The following DNAH12 variants were observed in gnomAD, a reference collection of about 807,000 sequenced individuals.
The protein encoded by DNAH12 is dynein axonemal heavy chain 12.
DNAH12 carries 285 observed loss-of-function variants against 371.5 expected under a neutral mutation model. That is an observed-to-expected ratio of 0.77 (90% CI 0.70 to 0.85). The LOEUF (loss-of-function observed/expected upper bound fraction) is 0.85. DNAH12 is among the 40% of genes least tolerant of loss of function. The pLI is 0.00. For synonymous variants in DNAH12, 1,200 were observed against 1,213.0 expected (o/e 0.99, Z 0.22); for missense variants, 3,611 against 3,689.4 (o/e 0.98, Z 0.55).
chr3:57,541,729 C>T (rs1248081257), intron 2 of DNAH12, among the ~76,000 whole-genome samples: 1 of 151,298 alleles, frequency 6.6e-6, no homozygotes, highest in Non-Finnish European at 1.5e-5. Flanking sequence ...GTTTATATAC[C>T]CTATAAATGT....
Position 57,301,727 on chromosome 3 carries a change from CAT to C in DNAH12, c.11394+6_11394+7del. The C allele has an allele frequency of 1.4e-6, 2 of 1,401,806 alleles. No individual in the cohort carries two copies. The highest frequency in any genetic ancestry group is 2.0e-6 in the Non-Finnish European group (2 of 1,025,426). The allele number at this position is 1,401,806 out of a possible 1,614,324, so 86.8% of individuals were successfully genotyped here. The stretch of plus-strand genomic sequence containing the variant: ...ACACACACACACACACACACACACA[CAT>C]TTTACCTGTAAAAAGTTCAACCGGG... On this transcript the variant is annotated splice_donor_region_variant and intron_variant, in intron 70 of 73. Coordinates refer to ENST00000495027, the MANE Select transcript of DNAH12 (RefSeq NM_001366028.2).
At chr3:57,400,661 T>C (rs2063838249) in intron 43 of DNAH12, among the ~76,000 whole-genome samples, 1 of 152,230 alleles carries the variant, frequency 6.6e-6, no homozygotes, top group African/African-American at 2.4e-5. Context: ...CCTTTCACTC[T>C]CAAAATATCT....
chr3:57,520,339 C>T lies in DNAH12; in HGVS notation c.279+3244G>A, dbSNP rs188311195. Among the ~76,000 whole-genome samples the T allele has an allele frequency of 3.8e-3, 577 of 152,164 alleles. 2 individuals carry two copies. The highest frequency in any genetic ancestry group is 0.013 in the African/African-American group (539 of 41,534). On this transcript the variant is annotated intron_variant, in intron 4 of 73. Coordinates refer to ENST00000495027, the MANE Select transcript of DNAH12 (RefSeq NM_001366028.2). ...GGCCAGGCTAGTCTCGAACCGCCCG[C>T]CTCGGCCTCCCAAAGTGCTTGGATT...
chr3:57,386,656 A>G (rs1433560238), intron 46 of DNAH12, 53 bp from the exon 47 acceptor site: 3 of 152,240 alleles, frequency 2.0e-5, no homozygotes, highest in Non-Finnish European at 4.4e-5. Context: ...TTTCACAAAA[A>G]GGTAAATTCA....
chr3:57,433,613 AAG>A (rs750006168), intron 31 of DNAH12, 30 bp downstream of exon 31: 3 of 1,532,094 alleles, frequency 2.0e-6, no homozygotes, highest in East Asian at 2.4e-5. Context: ...CACTTTCCAT[AAG>A]AGAGTTGGGA....
chr3:57,531,537 G>A (rs1296329335), intron 2 of DNAH12, among the ~76,000 whole-genome samples: 4 of 151,978 alleles, frequency 2.6e-5, no homozygotes, highest in Non-Finnish European at 5.9e-5. Flanking sequence ...TGAGGGAGGT[G>A]GATAACTTGA....
chr3:57,481,603 G>A (rs1338156876), intron 13 of DNAH12, among the ~76,000 whole-genome samples: 1 of 152,120 alleles, frequency 6.6e-6, no homozygotes, highest in Non-Finnish European at 1.5e-5. Flanking sequence ...AAAAGAGCCT[G>A]CATTGCCAAG....
intron 4 of DNAH12, among the ~76,000 whole-genome samples, chr3:57,522,082 G>C (rs1173670869): frequency 3.3e-5 from 5 of 151,864 alleles, no homozygotes; most frequent in Non-Finnish European, 7.4e-5. Context: ...AATTTAGGTG[G>C]GTGTGGTGGC....
intron 44 of DNAH12, among the ~76,000 whole-genome samples, chr3:57,393,497 G>A (rs1180318443): frequency 1.3e-5 from 2 of 151,762 alleles, no homozygotes; most frequent in East Asian, 3.9e-4. Context: ...CTGGTGGCAG[G>A]CGCCTGTGGT....
In DNAH12 at chr3:57,462,688, A is replaced by G. The variant is rs2066090204; in HGVS notation, c.2535+2T>C. The G allele has an allele frequency of 6.5e-7, 1 of 1,544,108 alleles. No individual in the cohort carries two copies. Among genetic ancestry groups the G allele is most frequent in the Admixed American group, 2.1e-5 (1 of 48,744 alleles). ...AGTATTTCAGTTGATCTTTATGTTT[A>G]CCTTGCTTGCACCTGCACTTATCAC... On this transcript the variant is annotated splice_donor_variant, in intron 18 of 73. Transcript: ENST00000495027. LOFTEE classifies it high-confidence loss of function.
intron 65 of DNAH12, among the ~76,000 whole-genome samples, chr3:57,321,436 A>G (rs1468521213): frequency 6.6e-6 from 1 of 152,156 alleles, no homozygotes; most frequent in African/African-American, 2.4e-5. Flanking sequence ...GCAGGGGATG[A>G]TTTTCTCACA....
intron 41 of DNAH12, 93 bp downstream of exon 41, chr3:57,405,556 TGTTC>T: frequency 8.4e-7 from 1 of 1,189,022 alleles, no homozygotes; most frequent in Non-Finnish European, 1.1e-6. Context: ...TAAAAGAATA[TGTTC>T]ATTAAGAAAT....
chr3:57,315,531 G>A (rs2061667048), intron 65 of DNAH12, among the ~76,000 whole-genome samples: 1 of 151,540 alleles, frequency 6.6e-6, no homozygotes, highest in East Asian at 1.9e-4. Context: ...TTTTCTTAAG[G>A]CAGGAACCAT....
chr3:57,510,739 C>T (rs770271486), intron 5 of DNAH12, 51 bp downstream of exon 5: 77 of 1,549,642 alleles, frequency 5.0e-5, no homozygotes, highest in Admixed American at 3.7e-4. Flanking sequence ...TCAGTGGGGA[C>T]GGGGGGAGGC....
At chr3:57,464,144 T>C (rs1484738462) in intron 17 of DNAH12, among the ~76,000 whole-genome samples, 1 of 152,048 alleles carries the variant, frequency 6.6e-6, no homozygotes, top group Non-Finnish European at 1.5e-5. Flanking sequence ...GCAGGAGACC[T>C]GCCCTGCCTT....
intron 13 of DNAH12, among the ~76,000 whole-genome samples, chr3:57,479,462 A>G (rs952091267): frequency 6.6e-5 from 10 of 152,182 alleles, no homozygotes; most frequent in African/African-American, 1.9e-4. Flanking sequence ...ACTCCCACAC[A>G]ATAATAATGG....
intron 30 of DNAH12, among the ~76,000 whole-genome samples, chr3:57,436,518 T>C (rs17737179): frequency 0.034 from 5,235 of 152,266 alleles, 105 homozygotes; most frequent in African/African-American, 0.043. Context: ...AAGCCCACTA[T>C]TGTGCACTGG....
chr3:57,394,471 C>G (rs1425252796), intron 43 of DNAH12, 139 bp from the exon 44 acceptor site: 1 of 152,292 alleles, frequency 6.6e-6, no homozygotes, highest in African/African-American at 2.4e-5. Context: ...GGGCTGTCAA[C>G]TGGGACCTCC....
In DNAH12 at chr3:57,444,809, C is replaced by G; in HGVS notation, c.4433G>C (p.Arg1478Pro). The G allele has an allele frequency of 6.5e-7, 1 of 1,540,164 alleles. No homozygotes were observed. Among genetic ancestry groups the G allele is most frequent in the Non-Finnish European group, 8.8e-7 (1 of 1,142,674 alleles). Residue 1478 changes from arginine to proline, a missense_variant, in exon 29 of 74, where the codon CGA (arginine) becomes CCA (proline). By Grantham distance (103) the Arg-to-Pro change is moderately radical. Coordinates refer to ENST00000495027, the MANE Select transcript of DNAH12 (RefSeq NM_001366028.2). Reference sequence around the variant, plus strand: ...TGGTTCATTTACATCTTTAATTGATCGAAGAAGCTAAAATTACCCAAAAAG... The same window carrying G: ...TGGTTCATTTACATCTTTAATTGATGGAAGAAGCTAAAATTACCCAAAAAG... ...PNENEDILLLRSIKDVNEPKF... is the reference protein window; with the variant it reads ...PNENEDILLLPSIKDVNEPKF...
Sources: gnomAD v4.1 joint callset for allele counts (sites outside exome capture counted in the v4.1 genomes callset) on GRCh38, gnomAD v4.1.1 for gene constraint, MANE v1.5 for transcripts, NCBI Gene and HGNC (gene_info 2026-07-23, HGNC 2026-07-21) for gene names.